Variants in ADAM22 observed in about 807,000 individuals in gnomAD.
ADAM22 encodes the protein disintegrin and metalloproteinase domain-containing protein 22.
Under a neutral mutation model 144.6 loss-of-function variants are expected in ADAM22, and 65 were observed. The observed-to-expected ratio is 0.45, with a 90% CI of 0.37 to 0.55. ADAM22 has a LOEUF of 0.55. ADAM22 is among the 20% of genes least tolerant of loss of function. The probability of loss-of-function intolerance (pLI) is 0.00; values close to 1 mark genes in which losing one functional copy is unlikely to be tolerated. For synonymous variants in ADAM22, 391 were observed against 412.6 expected (o/e 0.95, Z 0.63); for missense variants, 974 against 1,184.9 (o/e 0.82, Z 2.61).
At chr7:88,117,666 C>A (rs1349247324) in intron 7 of ADAM22, among the ~76,000 whole-genome samples, 1 of 151,612 alleles carries the variant, frequency 6.6e-6, no homozygotes, top group African/African-American at 2.4e-5. Context: ...GAGATGCTTC[C>A]TCCACTATTT....
At chr7:88,117,184 CT>C (rs1827974708) in intron 7 of ADAM22, among the ~76,000 whole-genome samples, 1 of 152,108 alleles carries the variant, frequency 6.6e-6, no homozygotes, top group Admixed American at 6.6e-5. Flanking sequence ...TTCCTTGTCT[CT>C]TTTTTGCTCT....
intron 4 of ADAM22, among the ~76,000 whole-genome samples, chr7:88,102,868 T>C (rs1272387649): frequency 6.6e-6 from 1 of 152,180 alleles, no homozygotes; most frequent in East Asian, 1.9e-4. Flanking sequence ...CTGCATATCC[T>C]TATGAAACAG....
intron 22 of ADAM22, among the ~76,000 whole-genome samples, chr7:88,160,357 G>C (rs955090667): frequency 1.3e-5 from 2 of 152,096 alleles, no homozygotes; most frequent in African/African-American, 4.8e-5. Context: ...AAATGCTATT[G>C]CTATCAAACT....
chr7:88,003,727 T>G (rs986503367), intron 3 of ADAM22, among the ~76,000 whole-genome samples: 1 of 152,226 alleles, frequency 6.6e-6, no homozygotes, highest in Non-Finnish European at 1.5e-5. Context: ...AAAAAACTTG[T>G]CACTGTTGAA....
chr7:87,949,401 C>T (rs1844475396), intron 2 of ADAM22, among the ~76,000 whole-genome samples: 1 of 152,196 alleles, frequency 6.6e-6, no homozygotes, highest in African/African-American at 2.4e-5. Context: ...GTCTTGAGGC[C>T]ACTATAATCA....
rs1051902204 is a variant in ADAM22, at chr7:88,198,969, T to C, written c.*2478T>C. The C allele has an allele frequency of 2.6e-5, 4 of 152,244 alleles. No individual in the cohort carries two copies. Among genetic ancestry groups the C allele is most frequent in the African/African-American group, 9.6e-5 (4 of 41,468 alleles). 9.4% of individuals were successfully genotyped at this position (152,244 alleles called of 1,614,324 possible). On this transcript the variant is annotated 3_prime_UTR_variant, in exon 32 of 32. Transcript: ENST00000413139. ...AATGTTCTATTCTTGGAATCTACTC[T>C]ATCTCCCATGTTTAAACATTCTTAG...
intron 3 of ADAM22, among the ~76,000 whole-genome samples, chr7:88,017,748 G>A (rs1796862167): frequency 1.3e-5 from 2 of 151,062 alleles, no homozygotes; most frequent in Admixed American, 6.6e-5. Context: ...TCCTTTCACT[G>A]TTTCTTTGTA....
chr7:87,980,287 C>CTTTTTTTTTTCT (rs1166941383), intron 3 of ADAM22, among the ~76,000 whole-genome samples: 1 of 118,400 alleles, frequency 8.4e-6, no homozygotes, highest in African/African-American at 3.8e-5. Flanking sequence ...GCACTGTGCT[C>CTTTTTTTTTTCT]TTTTTTTTTT....
At chr7:87,956,113 G>T (rs112387436) in intron 2 of ADAM22, among the ~76,000 whole-genome samples, 1,810 of 152,204 alleles carry the variant, frequency 0.012, 32 homozygotes, top group East Asian at 0.045. Context: ...GCTTCGGCTG[G>T]CGCACAGTGT....
chr7:88,173,221 G>T (rs548408022), intron 26 of ADAM22, among the ~76,000 whole-genome samples: 1 of 152,120 alleles, frequency 6.6e-6, no homozygotes, highest in South Asian at 2.1e-4. Flanking sequence ...ATTTTCACAT[G>T]AAGAATCTCC....
intron 4 of ADAM22, among the ~76,000 whole-genome samples, chr7:88,087,341 C>T (rs1028480206): frequency 2.0e-5 from 3 of 152,138 alleles, no homozygotes; most frequent in Non-Finnish European, 4.4e-5. Flanking sequence ...ACCCTTTAGG[C>T]ATTTCTCTCA....
chr7:88,023,826 T>G (rs1585080863), intron 3 of ADAM22, among the ~76,000 whole-genome samples: 1 of 151,132 alleles, frequency 6.6e-6, no homozygotes, highest in African/African-American at 2.4e-5. Flanking sequence ...TACCCCCACT[T>G]CCCCCCTACC....
At chr7:88,141,432 TAAC>T (rs1035540682) in intron 14 of ADAM22, among the ~76,000 whole-genome samples, 5 of 152,196 alleles carry the variant, frequency 3.3e-5, no homozygotes, top group Admixed American at 3.3e-4. Context: ...CATTAATTAA[TAAC>T]AAAGTATTAA....
chr7:87,952,775 A>T (rs1393983914), intron 2 of ADAM22, among the ~76,000 whole-genome samples: 3 of 152,078 alleles, frequency 2.0e-5, no homozygotes, highest in Non-Finnish European at 4.4e-5. Flanking sequence ...CTGGTCCTGG[A>T]TTCTTTTTTA....
At chr7:88,005,768 T>G (rs1793670739) in intron 3 of ADAM22, among the ~76,000 whole-genome samples, 1 of 152,186 alleles carries the variant, frequency 6.6e-6, no homozygotes, top group Non-Finnish European at 1.5e-5. Context: ...GAAAATCATT[T>G]AATTTTAAGG....
intron 29 of ADAM22, among the ~76,000 whole-genome samples, chr7:88,182,425 C>T (rs181374470): frequency 6.6e-6 from 1 of 152,286 alleles, no homozygotes; most frequent in East Asian, 1.9e-4. Context: ...TCCCATTGTA[C>T]TAGAGCATGA....
intron 21 of ADAM22, among the ~76,000 whole-genome samples, chr7:88,155,347 A>G (rs1157044810): frequency 6.6e-6 from 1 of 151,896 alleles, no homozygotes; most frequent in Non-Finnish European, 1.5e-5. Flanking sequence ...ACATAGTGAG[A>G]CCCTGTCTCT....
chr7:88,076,279 C>A (rs1191131354), intron 4 of ADAM22, among the ~76,000 whole-genome samples: 2 of 152,132 alleles, frequency 1.3e-5, no homozygotes, highest in African/African-American at 4.8e-5. Flanking sequence ...CTCAGGTGAT[C>A]CACCCGCTCC....
chr7:88,200,330 TAAAGG>T lies in ADAM22; in HGVS notation c.*3844_*3848del, dbSNP rs1362678660. 2 of 152,330 alleles carry T rather than the reference TAAAGG, an allele frequency of 1.3e-5. No homozygotes were observed. The highest frequency in any genetic ancestry group is 3.8e-4 in the East Asian group (2 of 5,196). 9.4% of individuals were successfully genotyped at this position (152,330 alleles called of 1,614,324 possible). ...AAAGATTATTTTACTTTATTTTACT[TAAAGG>T]AAAGAGAATTTATTGGCAGGATATT... On this transcript the variant is annotated 3_prime_UTR_variant, in exon 32 of 32. Transcript: ENST00000413139.
Sources: allele counts gnomAD v4.1 joint callset (sites outside exome capture counted in the v4.1 genomes callset), GRCh38; gene constraint gnomAD v4.1.1; transcripts MANE v1.5; gene names NCBI Gene and HGNC (gene_info 2026-07-23, HGNC 2026-07-21).